Variants in HERC1 observed in about 807,000 individuals in gnomAD.
HERC1 encodes HECT and RLD domain containing E3 ubiquitin protein ligase family member 1.
Under a neutral mutation model 554.3 loss-of-function variants are expected in HERC1, and 160 were observed. The ratio of observed to expected loss-of-function variants is 0.29; its 90% CI spans 0.25 to 0.33. The LOEUF is 0.33. Ranked by LOEUF, HERC1 falls within the 10% of genes least tolerant of loss-of-function variation. HERC1 has a pLI of 1.00. For missense variants in HERC1, 4,919 were observed against 5,918.5 expected (o/e 0.83, Z 5.54); for synonymous variants, 2,175 against 2,131.7 (o/e 1.02, Z -0.56).
At position 63,612,365 on chromosome 15, in the gene HERC1, T is replaced by C. The variant is rs571820514; in HGVS notation, c.14286A>G (p.Glu4762=). The change falls in exon 77 of 78, where the codon GAA becomes GAG. Residue 4762 remains glutamate (E), a synonymous_variant. Transcript: ENST00000443617. The surrounding 1 kb of genome is among the most constrained non-coding windows in gnomAD (Gnocchi z 5.0). The stretch of plus-strand genomic sequence containing the variant: ...GCACCCGCTCCTCATTGGAGAACTC[T>C]TCCAGCGTGTGCCAGAACCACTGCA... The part of the protein sequence containing the change: ...QLVQWFWHTL[E]EFSNEERVLF... The C allele has an allele frequency of 6.2e-7, 1 of 1,614,032 alleles. No individual in the cohort carries two copies. The highest frequency in any genetic ancestry group is 2.2e-5 in the East Asian group (1 of 44,884).
At chr15:63,702,935 C>T (rs1311133020) in intron 25 of HERC1, among the ~76,000 whole-genome samples, 1 of 152,012 alleles carries the variant, frequency 6.6e-6, no homozygotes, top group Non-Finnish European at 1.5e-5. Context: ...GAAACTCCGT[C>T]TCTACTAAAA....
At chr15:63,820,662 T>G (rs1012518516) in intron 1 of HERC1, among the ~76,000 whole-genome samples, 6 of 152,158 alleles carry the variant, frequency 3.9e-5, no homozygotes, top group African/African-American at 1.4e-4. Flanking sequence ...CTCAAAAAAA[T>G]CAAAAGCAAC....
rs895086323 is a variant in HERC1, at chr15:63,727,822, T to C, written c.3171A>G (p.Ser1057=). 3.1e-6 allele frequency: 5 copies of C among 1,613,518 alleles called. No individual in the cohort carries two copies. The African/African-American group carries it at 6.7e-5, about 22-fold the overall frequency. The part of the protein sequence containing the change: ...GEKLRDVIYV[S]AAGSMLCQIV... ...TCTGGCAGAGCATACTGCCAGCAGC[T>C]GAGACGTATATCACATCTATGAAGG... is the stretch of plus-strand genomic sequence containing the variant. The change falls in exon 17 of 78, where the codon TCA becomes TCG. Residue 1057 remains serine (S), a synonymous_variant. Coordinates refer to ENST00000443617, the MANE Select transcript of HERC1 (RefSeq NM_003922.4). This position sits in a 1 kb window ranked among gnomAD's most constrained non-coding sequence, Gnocchi z 4.3.
Position 63,632,742 on chromosome 15 carries a change from T to C in HERC1, c.12763A>G (p.Thr4255Ala). ...AAGGTATACACATGACCATCTTTGGTCAAAGCAACAGAAAACTGAGTTCCA... is the reference window on the plus strand; with the variant it reads ...AAGGTATACACATGACCATCTTTGGCCAAAGCAACAGAAAACTGAGTTCCA... ...ACGTQFSVAL[T>A]KDGHVYTFGQ... The change falls in exon 68 of 78, where the codon ACC becomes GCC. Residue 4255 changes from threonine to alanine, a missense_variant. Transcript: ENST00000443617. The C allele has an allele frequency of 6.4e-7, 1 of 1,566,806 alleles. No homozygotes were observed. The highest frequency in any genetic ancestry group is 8.7e-7 in the Non-Finnish European group (1 of 1,154,184).
At chr15:63,654,086 G>T in intron 51 of HERC1, 33 bp downstream of exon 51, 1 of 1,516,928 alleles carries the variant, frequency 6.6e-7, no homozygotes, top group South Asian at 1.1e-5. Flanking sequence ...CTTACATAAC[G>T]TGATTAACAC....
intron 68 of HERC1, 188 bp from the exon 69 acceptor site, chr15:63,630,823 T>C: frequency 2.0e-6 from 1 of 508,020 alleles, no homozygotes; most frequent in South Asian, 4.2e-5. Flanking sequence ...TGTGAAGCTG[T>C]TTCTCTGCAA....
At chr15:63,804,629 T>G (rs891723935) in intron 1 of HERC1, among the ~76,000 whole-genome samples, 2 of 149,040 alleles carry the variant, frequency 1.3e-5, no homozygotes, top group African/African-American at 2.5e-5. Flanking sequence ...GACTTAGATA[T>G]GATGAACACA....
intron 1 of HERC1, among the ~76,000 whole-genome samples, chr15:63,786,407 C>A (rs1368738899): frequency 6.6e-6 from 1 of 151,994 alleles, no homozygotes; most frequent in African/African-American, 2.4e-5. Flanking sequence ...TAGATCTATA[C>A]CCAAGTGAAC....
Position 63,689,610 on chromosome 15 carries a change from T to C in HERC1, c.6027A>G (p.Lys2009=). The C allele has an allele frequency of 6.4e-7, 1 of 1,561,562 alleles. No individual in the cohort carries two copies. Among genetic ancestry groups the C allele is most frequent in the Non-Finnish European group, 8.7e-7 (1 of 1,150,526 alleles). Residue 2009 remains lysine (K), a synonymous_variant, in exon 33 of 78, where the codon AAA becomes AAG. Coordinates refer to ENST00000443617, the MANE Select transcript of HERC1 (RefSeq NM_003922.4). ...QAKHAIQIKE[K]EQEIKLQKQG... ...TTACCTGTAGTTTTATTTCTTGTTC[T>C]TTTTCCTTTATCTGAATAGCATGTT...
chr15:63,811,968 G>C (rs1210269398), intron 1 of HERC1, among the ~76,000 whole-genome samples: 1 of 152,112 alleles, frequency 6.6e-6, no homozygotes, highest in African/African-American at 2.4e-5. Flanking sequence ...AGGAGTATCT[G>C]TATTAAACAA....
chr15:63,788,422 T>C (rs58882575), intron 1 of HERC1, among the ~76,000 whole-genome samples: 3,144 of 152,312 alleles, frequency 0.021, 99 homozygotes, highest in African/African-American at 0.072. Context: ...CTGATTGTTT[T>C]AAGGAAGAAT....
intron 46 of HERC1, 49 bp from the exon 47 acceptor site, chr15:63,659,985 T>C: frequency 1.4e-6 from 2 of 1,380,554 alleles, no homozygotes; most frequent in Non-Finnish European, 2.0e-6. Flanking sequence ...AAATATTACA[T>C]AAATCTGCTG....
intron 1 of HERC1, among the ~76,000 whole-genome samples, chr15:63,777,108 G>A (rs1319923090): frequency 6.6e-6 from 1 of 152,092 alleles, no homozygotes; most frequent in Non-Finnish European, 1.5e-5. Context: ...ATCACTGAAG[G>A]GAATTTAATT....
At position 63,647,356 on chromosome 15, in the gene HERC1, T is replaced by C. The variant is rs114504509; in HGVS notation, c.10878+713A>G. ...TTAAAAAGACAAAAAACAACAGATG[T>C]CGGCAAGAAAGTGGTGAAAAGGGAA... On this transcript the variant is annotated intron_variant, in intron 55 of 77. Coordinates refer to ENST00000443617, the MANE Select transcript of HERC1 (RefSeq NM_003922.4). Among the ~76,000 whole-genome samples, 711 of 151,736 alleles carry C rather than the reference T, an allele frequency of 4.7e-3. 9 individuals carry two copies. Among genetic ancestry groups the C allele is most frequent in the African/African-American group, 0.017 (683 of 41,394 alleles).
At chr15:63,769,301 C>G (rs1230129853) in intron 2 of HERC1, among the ~76,000 whole-genome samples, 1 of 151,870 alleles carries the variant, frequency 6.6e-6, no homozygotes. Context: ...CGCCTGTAAT[C>G]CCAGCTACTC....
chr15:63,684,604 G>GA (rs1433539277), intron 34 of HERC1, among the ~76,000 whole-genome samples: 3 of 152,092 alleles, frequency 2.0e-5, no homozygotes, highest in African/African-American at 7.2e-5. Context: ...TTCATACAGA[G>GA]AAAAAACAAA....
At chr15:63,697,639 GA>G (rs1389213534) in intron 26 of HERC1, among the ~76,000 whole-genome samples, 1 of 152,012 alleles carries the variant, frequency 6.6e-6, no homozygotes, top group African/African-American at 2.4e-5. Flanking sequence ...ATTTTTAGTA[GA>G]GATGGGGTTT....
chr15:63,798,329 G>A (rs1186451637), intron 1 of HERC1, among the ~76,000 whole-genome samples: 1 of 152,048 alleles, frequency 6.6e-6, no homozygotes. Context: ...ACCAGTTAAA[G>A]ACTAATTACT....
intron 54 of HERC1, among the ~76,000 whole-genome samples, chr15:63,649,161 T>C (rs1023877529): frequency 6.6e-6 from 1 of 152,220 alleles, no homozygotes; most frequent in African/African-American, 2.4e-5. Flanking sequence ...GAGACCATCC[T>C]GGCCAACATG....
Sources: gnomAD v4.1 joint callset for allele counts (sites outside exome capture counted in the v4.1 genomes callset) on GRCh38, gnomAD v4.1.1 for gene constraint, Gnocchi (gnomAD v3.1) non-coding constraint, MANE v1.5 for transcripts, NCBI Gene and HGNC (gene_info 2026-07-23, HGNC 2026-07-21) for gene names.